The following PLXDC2 variants were observed in gnomAD, a reference collection of about 807,000 sequenced individuals.
PLXDC2 encodes the protein plexin domain containing 2.
A neutral mutation model predicts 68.9 loss-of-function variants in PLXDC2; 40 were observed. That is an observed-to-expected ratio of 0.58 (90% CI 0.45 to 0.76). PLXDC2 has a LOEUF of 0.76. Ranked by LOEUF, PLXDC2 falls within the 30% of genes least tolerant of loss-of-function variation. The pLI is 0.00. For synonymous variants in PLXDC2, 243 were observed against 234.2 expected (o/e 1.04, Z -0.34); for missense variants, 644 against 661.9 (o/e 0.97, Z 0.30).
intron 3 of PLXDC2, among the ~76,000 whole-genome samples, chr10:20,056,755 G>A (rs1836006557): frequency 6.6e-6 from 1 of 151,966 alleles, no homozygotes; most frequent in South Asian, 2.1e-4. Context: ...TCTTCATCTT[G>A]GGTCTTTAGT....
At chr10:20,178,557 A>C (rs531783536) in intron 9 of PLXDC2, among the ~76,000 whole-genome samples, 1 of 152,082 alleles carries the variant, frequency 6.6e-6, no homozygotes, top group East Asian at 1.9e-4. Flanking sequence ...CATGCTGTTA[A>C]TCCGTGTATG....
At chr10:19,946,506 A>T (rs1201736770) in intron 1 of PLXDC2, among the ~76,000 whole-genome samples, 1 of 150,742 alleles carries the variant, frequency 6.6e-6, no homozygotes, top group East Asian at 1.9e-4. Flanking sequence ...AAGGAATTAA[A>T]TTTTCTTATC....
chr10:20,265,102 A>G (rs12221334), intron 13 of PLXDC2, among the ~76,000 whole-genome samples: 38,600 of 152,126 alleles, frequency 0.25, 5,097 homozygotes, highest in African/African-American at 0.32. Context: ...TAGAGTAACC[A>G]TGTGAAAGGA....
At chr10:20,162,703 A>T (rs1282930889) in intron 6 of PLXDC2, among the ~76,000 whole-genome samples, 2 of 152,100 alleles carry the variant, frequency 1.3e-5, no homozygotes, top group African/African-American at 2.4e-5. Context: ...ACTGGGAAAC[A>T]GTATAATGCT....
At chr10:20,118,500 C>T (rs1370533778) in intron 4 of PLXDC2, among the ~76,000 whole-genome samples, 2 of 152,106 alleles carry the variant, frequency 1.3e-5, no homozygotes, top group Non-Finnish European at 1.5e-5. Context: ...CTGGCCAGAA[C>T]CAAGGGACCA....
At chr10:19,874,739 G>T (rs1293957894) in intron 1 of PLXDC2, among the ~76,000 whole-genome samples, 2 of 152,174 alleles carry the variant, frequency 1.3e-5, no homozygotes. Context: ...GAGTATATGT[G>T]ATGTTAGTAG....
chr10:20,132,336 G>A (rs1277942427), intron 4 of PLXDC2, among the ~76,000 whole-genome samples: 3 of 152,098 alleles, frequency 2.0e-5, no homozygotes, highest in Non-Finnish European at 4.4e-5. Context: ...TGGATGAAAC[G>A]TTCTATATAT....
At chr10:19,889,829 G>A (rs954413653) in intron 1 of PLXDC2, among the ~76,000 whole-genome samples, 3 of 152,082 alleles carry the variant, frequency 2.0e-5, no homozygotes, top group Non-Finnish European at 2.9e-5. Flanking sequence ...TTAAAATGAG[G>A]GCTAATCGTG....
At chr10:20,151,938 A>C (rs1834157841) in intron 6 of PLXDC2, among the ~76,000 whole-genome samples, 1 of 152,056 alleles carries the variant, frequency 6.6e-6, no homozygotes, top group African/African-American at 2.4e-5. Context: ...AAAACCCACC[A>C]CCAATTTGGG....
intron 4 of PLXDC2, among the ~76,000 whole-genome samples, chr10:20,118,483 T>G (rs1279412367): frequency 6.6e-6 from 1 of 152,168 alleles, no homozygotes; most frequent in African/African-American, 2.4e-5. Flanking sequence ...TTCTTAAATG[T>G]CACATTCTGG....
Position 19,823,137 on chromosome 10 carries a change from C to T in PLXDC2, c.112+5946C>T, listed in dbSNP as rs577562715. ...TTCACTGTGTTAGCCAGGATGGTCT[C>T]GATCTCCTGACCTCGTGATCAACCC... On this transcript the variant is annotated intron_variant, in intron 1 of 13. Transcript: ENST00000377252. Among the ~76,000 whole-genome samples the T allele has an allele frequency of 3.3e-5, 5 of 151,958 alleles. No individual in the cohort carries two copies. The South Asian group carries it at 8.3e-4, about 25-fold the overall frequency.
chr10:19,987,860 G>C (rs369002016), intron 1 of PLXDC2, among the ~76,000 whole-genome samples: 2 of 152,008 alleles, frequency 1.3e-5, no homozygotes, highest in Non-Finnish European at 2.9e-5. Flanking sequence ...GAGCTACCGC[G>C]CCCAGCCGAT....
At chr10:19,933,060 G>A (rs16919592) in intron 1 of PLXDC2, among the ~76,000 whole-genome samples, 1,627 of 152,196 alleles carry the variant, frequency 0.011, 26 homozygotes, top group African/African-American at 0.036. Context: ...AAACAAGCAC[G>A]GTACCAAGCA....
At chr10:20,064,041 T>G (rs999032932) in intron 3 of PLXDC2, among the ~76,000 whole-genome samples, 1 of 152,132 alleles carries the variant, frequency 6.6e-6, no homozygotes, top group Non-Finnish European at 1.5e-5. Flanking sequence ...AATATTTTAC[T>G]TCTGAGCTTT....
intron 4 of PLXDC2, among the ~76,000 whole-genome samples, chr10:20,138,105 A>G (rs1833957188): frequency 1.3e-5 from 2 of 152,228 alleles, no homozygotes; most frequent in Non-Finnish European, 2.9e-5. Flanking sequence ...ATTTAATATC[A>G]GAAGTGTTTT....
intron 1 of PLXDC2, among the ~76,000 whole-genome samples, chr10:19,925,193 T>G (rs2131384177): frequency 6.6e-6 from 1 of 152,282 alleles, no homozygotes; most frequent in South Asian, 2.1e-4. Flanking sequence ...TCCGTCGAAC[T>G]TATTGCAGCT....
intron 1 of PLXDC2, among the ~76,000 whole-genome samples, chr10:19,820,781 A>C (rs1053357800): frequency 6.6e-6 from 1 of 151,816 alleles, no homozygotes; most frequent in Admixed American, 6.6e-5. Context: ...ATGGGATCTA[A>C]AGTCTTCAGC....
At position 20,097,211 on chromosome 10, in the gene PLXDC2, G is replaced by A. The variant is rs578204674; in HGVS notation, c.541+28972G>A. On this transcript the variant is annotated intron_variant, in intron 4 of 13. Coordinates refer to ENST00000377252, the MANE Select transcript of PLXDC2 (RefSeq NM_032812.9). ...GATGTCTTATTTCACCAAGAAATAG[G>A]TCATTTGAATCCGGAGACACTGAGT... 1.6e-3 allele frequency among the ~76,000 whole-genome samples: 243 copies of A among 152,248 alleles called. 1 individual carries two copies. The highest frequency in any genetic ancestry group is 4.8e-3 in the African/African-American group (199 of 41,564).
At chr10:20,233,401 A>G (rs546260057) in intron 12 of PLXDC2, among the ~76,000 whole-genome samples, 42 of 151,998 alleles carry the variant, frequency 2.8e-4, no homozygotes, top group African/African-American at 1.0e-3. Context: ...GGGGTGCACA[A>G]CTTCCCATGT....
Sources: gnomAD v4.1 joint callset for allele counts (sites outside exome capture counted in the v4.1 genomes callset) on GRCh38, gnomAD v4.1.1 for gene constraint, MANE v1.5 for transcripts, NCBI Gene and HGNC (gene_info 2026-07-23, HGNC 2026-07-21) for gene names.